IGBP1C: variants seen among roughly 807,000 people sequenced by gnomAD.
IGBP1C encodes IGBP1 family member C.
the IGBP1C span, chr17:58,666,586 A>G: frequency 1.3e-5 from 2 of 151,774 alleles, no homozygotes; most frequent in South Asian, 4.2e-4. Context: ...TATACACTGT[A>G]GTTACCCACA....
At chr17:58,663,348 G>A in the IGBP1C span, among the ~76,000 whole-genome samples, 2 of 150,014 alleles carry the variant, frequency 1.3e-5, no homozygotes, top group Admixed American at 6.6e-5. Context: ...CTTGAACGTG[G>A]GAGGCGGAGG....
chr17:58,686,007 A>T, the IGBP1C span, among the ~76,000 whole-genome samples: 1 of 151,332 alleles, frequency 6.6e-6, no homozygotes, highest in South Asian at 2.1e-4. Flanking sequence ...AAAAAAAAAA[A>T]AAAAAAAAAG....
the IGBP1C span, among the ~76,000 whole-genome samples, chr17:58,668,919 T>A: frequency 6.6e-6 from 1 of 152,016 alleles, no homozygotes; most frequent in Non-Finnish European, 1.5e-5. Context: ...GGCAAGTGAG[T>A]GTCATTTGTT....
chr17:58,679,592 A>G, the IGBP1C span: 4 of 152,276 alleles, frequency 2.6e-5, no homozygotes, highest in Non-Finnish European at 5.9e-5. Flanking sequence ...ACATTTGTAG[A>G]AAACCACAGG....
the IGBP1C span, among the ~76,000 whole-genome samples, chr17:58,669,570 C>T: frequency 6.6e-6 from 1 of 151,386 alleles, no homozygotes; most frequent in Non-Finnish European, 1.5e-5. Context: ...CCCATGTCTA[C>T]TAAAAATACA....
chr17:58,664,115 C>T, the IGBP1C span, among the ~76,000 whole-genome samples: 1 of 152,220 alleles, frequency 6.6e-6, no homozygotes, highest in African/African-American at 2.4e-5. Flanking sequence ...AGGACAATTG[C>T]TGGATTACCT....
the IGBP1C span, among the ~76,000 whole-genome samples, chr17:58,672,096 G>A: frequency 6.6e-6 from 1 of 152,128 alleles, no homozygotes; most frequent in Admixed American, 6.6e-5. Flanking sequence ...CTCATAAGGA[G>A]TGTGCAACCT....
chr17:58,661,849 A>G, the IGBP1C span: 1 of 428,118 alleles, frequency 2.3e-6, no homozygotes, highest in Admixed American at 4.1e-5. Flanking sequence ...TAAAGTGGGA[A>G]TAATACTGCC....
the IGBP1C span, among the ~76,000 whole-genome samples, chr17:58,676,093 C>T: frequency 6.6e-5 from 10 of 151,998 alleles, no homozygotes; most frequent in Non-Finnish European, 1.5e-4. Flanking sequence ...AAAAATTAGT[C>T]GGCCAGGTGC....
the IGBP1C span, among the ~76,000 whole-genome samples, chr17:58,676,861 TG>T: frequency 7.9e-5 from 12 of 151,874 alleles, no homozygotes; most frequent in African/African-American, 2.9e-4. Flanking sequence ...CCAGGTGGGG[TG>T]GCTCACGCCT....
chr17:58,671,279 G>A, the IGBP1C span, among the ~76,000 whole-genome samples: 1 of 152,114 alleles, frequency 6.6e-6, no homozygotes, highest in East Asian at 1.9e-4. Context: ...GGTGCTGGGG[G>A]ACATCACCAA....
the IGBP1C span, among the ~76,000 whole-genome samples, chr17:58,676,691 TAA>T: frequency 2.0e-5 from 3 of 152,168 alleles, no homozygotes; most frequent in Admixed American, 2.0e-4. Context: ...AAGAGCAGGT[TAA>T]AATCCTTTAG....
the IGBP1C span, among the ~76,000 whole-genome samples, chr17:58,672,486 T>C: frequency 3.3e-5 from 5 of 152,256 alleles, no homozygotes; most frequent in Admixed American, 3.3e-4. Context: ...CAGGCTGCAG[T>C]GCAGAGGTGC....
chr17:58,671,500 TG>T, the IGBP1C span, among the ~76,000 whole-genome samples: 2 of 152,120 alleles, frequency 1.3e-5, no homozygotes, highest in Admixed American at 6.6e-5. Context: ...GTTCTTCTCC[TG>T]GGGTCGCAGC....
the IGBP1C span, among the ~76,000 whole-genome samples, chr17:58,673,598 C>T: frequency 6.6e-6 from 1 of 151,924 alleles, no homozygotes; most frequent in Admixed American, 6.6e-5. Flanking sequence ...TGTTCTGTAA[C>T]CCAGGCTGGT....
At chr17:58,674,224 C>T in the IGBP1C span, among the ~76,000 whole-genome samples, 2 of 151,160 alleles carry the variant, frequency 1.3e-5, no homozygotes, top group South Asian at 4.2e-4. Context: ...TGCAGTGAGC[C>T]GAGATCGCAC....
At chr17:58,676,560 C>CAAACA in the IGBP1C span, among the ~76,000 whole-genome samples, 25 of 152,184 alleles carry the variant, frequency 1.6e-4, no homozygotes, top group East Asian at 4.6e-3. Flanking sequence ...AACTCCATCT[C>CAAACA]AAACAAAAGA....
At chr17:58,679,316 CTG>C in the IGBP1C span, among the ~76,000 whole-genome samples, 1 of 152,152 alleles carries the variant, frequency 6.6e-6, no homozygotes, top group Admixed American at 6.6e-5. Context: ...AGGTATTCAA[CTG>C]CGTACTTCTG....
the IGBP1C span, among the ~76,000 whole-genome samples, chr17:58,681,076 GT>G: frequency 6.6e-6 from 1 of 151,812 alleles, no homozygotes; most frequent in African/African-American, 2.4e-5. Context: ...GAGGTCAGGA[GT>G]TCAAGACCAG....
Sources: allele counts gnomAD v4.1 joint callset (sites outside exome capture counted in the v4.1 genomes callset), GRCh38; gene constraint gnomAD v4.1.1; transcripts MANE v1.5; gene names NCBI Gene and HGNC (gene_info 2026-07-23, HGNC 2026-07-21).